OTOGL: variants seen among roughly 807,000 people sequenced by gnomAD.
OTOGL encodes otogelin like.
Under a neutral mutation model 318.5 loss-of-function variants are expected in OTOGL, and 285 were observed. The ratio of observed to expected loss-of-function variants is 0.89; its 90% confidence interval spans 0.81 to 0.99. The LOEUF is 0.99. Ranked by LOEUF, OTOGL falls within the 50% of genes least tolerant of loss-of-function variation. OTOGL has a pLI of 0.00. For synonymous variants in OTOGL, 987 were observed against 936.5 expected (o/e 1.05, Z -0.99); for missense variants, 2,899 against 2,845.6 (o/e 1.02, Z -0.43).
At position 80,310,654 on chromosome 12, in the gene OTOGL, A is replaced by G. The variant is rs553593526; in HGVS notation, c.3377A>G (p.Gln1126Arg). The change falls in exon 30 of 59, where the codon CAA (glutamine) becomes CGA (arginine). Residue 1126 changes from glutamine to arginine, a missense_variant. Gln to Arg is a conservative substitution (Grantham distance 43). Around this residue, in one of 3 missense-constraint regions of OTOGL, gnomAD observed 2,607 missense variants for 2,524.9 expected, o/e 1.03. Transcript: ENST00000547103. ...DETIKPCEAH[Q>R]NKFPYAKKEC... is the part of the protein sequence containing the mutation. ...ACAATTAAACCCTGTGAGGCACATC[A>G]AAACAAATTTCCTTATGCCAAGAAA... is the stretch of plus-strand genomic sequence containing the variant. 10 of 1,597,242 alleles carry G rather than the reference A, an allele frequency of 6.3e-6. No individual in the cohort carries two copies. The highest frequency in any genetic ancestry group is 7.6e-6 in the Non-Finnish European group (9 of 1,177,850).
chr12:80,329,061 G>C lies in OTOGL; in HGVS notation c.4290G>C (p.Val1430=). ...TTTGTTTCTTTGTAGGTATACCTGT[G>C]ATTCCCACAGAACCAACATTAATGC... ...KCVYPRDCIP[V]IPTEPTLMPP... is the part of the protein sequence containing the mutation. The change falls in exon 37 of 59, where the codon GTG becomes GTC. Residue 1430 remains valine (V), a synonymous_variant. Coordinates refer to ENST00000547103, the MANE Select transcript of OTOGL (RefSeq NM_001378609.3). 1 of 1,578,006 alleles carries C rather than the reference G, an allele frequency of 6.3e-7. No individual in the cohort carries two copies. The highest frequency in any genetic ancestry group is 8.6e-7 in the Non-Finnish European group (1 of 1,168,220).
chr12:80,267,185 G>A, intron 21 of OTOGL, 68 bp from the exon 22 acceptor site: 5 of 996,884 alleles, frequency 5.0e-6, no homozygotes, highest in East Asian at 3.2e-5. Flanking sequence ...AGAGCACAAG[G>A]TCAGCTTGAA....
At chr12:80,259,268 G>T (rs1392097089) in intron 18 of OTOGL, among the ~76,000 whole-genome samples, 3 of 151,258 alleles carry the variant, frequency 2.0e-5, no homozygotes, top group Non-Finnish European at 4.4e-5. Flanking sequence ...AACAATAGGG[G>T]GTTCACTGTG....
At chr12:80,291,611 A>G (rs1885047435) in intron 26 of OTOGL, among the ~76,000 whole-genome samples, 1 of 152,222 alleles carries the variant, frequency 6.6e-6, no homozygotes, top group Non-Finnish European at 1.5e-5. Flanking sequence ...AAGGAATTGC[A>G]TAAACAAGGT....
At chr12:80,228,627 AC>A (rs1879093606) in intron 7 of OTOGL, among the ~76,000 whole-genome samples, 1 of 152,008 alleles carries the variant, frequency 6.6e-6, no homozygotes, top group African/African-American at 2.4e-5. Flanking sequence ...TTTATACTTT[AC>A]TTTTTGGACC....
chr12:80,120,927 C>T (rs1870451332), intron 1 of OTOGL, among the ~76,000 whole-genome samples: 1 of 152,148 alleles, frequency 6.6e-6, no homozygotes, highest in South Asian at 2.1e-4. Context: ...CAACTGATTC[C>T]TTCCCCAAGA....
At chr12:80,149,133 C>G (rs1010872054) in intron 1 of OTOGL, among the ~76,000 whole-genome samples, 7 of 152,202 alleles carry the variant, frequency 4.6e-5, no homozygotes, top group Non-Finnish European at 8.8e-5. Context: ...AGGCGCTCTG[C>G]TTTTTAGAGT....
chr12:80,118,313 T>A (rs924624741), intron 1 of OTOGL, among the ~76,000 whole-genome samples: 1 of 152,192 alleles, frequency 6.6e-6, no homozygotes, highest in Non-Finnish European at 1.5e-5. Flanking sequence ...TCTGCTGCCA[T>A]CGGCTGTGAA....
At chr12:80,296,213 A>C (rs1885384604) in intron 26 of OTOGL, among the ~76,000 whole-genome samples, 1 of 152,236 alleles carries the variant, frequency 6.6e-6, no homozygotes, top group Non-Finnish European at 1.5e-5. Context: ...CCTCCTCTTA[A>C]TTAACAAAGC....
intron 1 of OTOGL, chr12:80,130,850 C>A (rs1204807243): frequency 7.2e-5 from 11 of 152,226 alleles, no homozygotes; most frequent in African/African-American, 2.4e-4. Flanking sequence ...ATGCTATGAT[C>A]TTTCTTCTCT....
Position 80,255,140 on chromosome 12 carries a change from A to G in OTOGL, c.1542A>G (p.Gly514=). 6.6e-7 allele frequency: 1 copy of G among 1,526,246 alleles called. No homozygotes were observed. Among genetic ancestry groups the G allele is most frequent in the Non-Finnish European group, 8.8e-7 (1 of 1,140,434 alleles). The allele number at this position is 1,526,246 out of a possible 1,614,324, so 94.5% of individuals were successfully genotyped here. The change falls in exon 16 of 59, where the codon GGA becomes GGG. Residue 514 remains glycine, a synonymous_variant. Transcript: ENST00000547103. ...MCQYILVKGT[G]KDKFTITLQK... is the part of the protein sequence containing the mutation. ...AATACATCCTCGTGAAAGGAACTGG[A>G]AAAGATAAATTCACGATTACTTTAC...
chr12:80,250,748 C>T (rs1881470497), intron 11 of OTOGL, among the ~76,000 whole-genome samples: 1 of 152,222 alleles, frequency 6.6e-6, no homozygotes, highest in East Asian at 1.9e-4. Context: ...AATGTTAAGC[C>T]TCACAAAATG....
intron 1 of OTOGL, among the ~76,000 whole-genome samples, chr12:80,146,850 G>GT (rs1170067711): frequency 6.6e-6 from 1 of 151,930 alleles, no homozygotes; most frequent in Non-Finnish European, 1.5e-5. Flanking sequence ...TTGCATAGAG[G>GT]TGTTTGTAGT....
rs559434716 is a variant in OTOGL, at chr12:80,127,686, G to A, written c.-20+28081G>A. Among the ~76,000 whole-genome samples the A allele has an allele frequency of 1.0e-3, 153 of 152,302 alleles. 1 individual carries two copies. The highest frequency in any genetic ancestry group is 3.6e-3 in the African/African-American group (148 of 41,564). On this transcript the variant is annotated intron_variant, in intron 1 of 58. Transcript: ENST00000547103. ...TCATTTTCAGGTACACCAATCAGAT[G>A]TAGATTTGGTCTTTTCACATAGTCC...
chr12:80,210,894 T>C lies in OTOGL; in HGVS notation c.119+8T>C. ...ATTGATGGGAACATCAAAGTGAGTA[T>C]TTCTTGTTCTTCGTGTCCTCTAAAA... On this transcript the variant is annotated splice_region_variant and intron_variant, in intron 3 of 58. Coordinates refer to ENST00000547103, the MANE Select transcript of OTOGL (RefSeq NM_001378609.3). 1 of 1,474,738 alleles carries C rather than the reference T, an allele frequency of 6.8e-7. No individual in the cohort carries two copies. Among genetic ancestry groups the C allele is most frequent in the Non-Finnish European group, 9.0e-7 (1 of 1,106,374 alleles). 91.4% of individuals were successfully genotyped at this position (1,474,738 alleles called of 1,614,324 possible). A position where few individuals can be genotyped will look rare whatever the true frequency, so the allele number is the denominator to read the frequency against.
In OTOGL at chr12:80,163,038, A is replaced by C. The variant is rs189663087; in HGVS notation, c.-19-46375A>C. Among the ~76,000 whole-genome samples, 46 of 152,244 alleles carry C rather than the reference A, an allele frequency of 3.0e-4. No homozygotes were observed. The East Asian group carries it at 8.3e-3, about 28-fold the overall frequency. On this transcript the variant is annotated intron_variant, in intron 1 of 58. Transcript: ENST00000547103. ...ATTAGACTAAAGATATTCTTTCCAA[A>C]AAAATGGAGCCTGGATACATCATAA...
intron 1 of OTOGL, among the ~76,000 whole-genome samples, chr12:80,140,753 TG>T (rs889368991): frequency 2.0e-4 from 31 of 152,326 alleles, no homozygotes; most frequent in Middle Eastern, 3.4e-3. Flanking sequence ...AAATATGTAT[TG>T]TCAGTTAGTA....
chr12:80,302,375 A>G (rs934128698), intron 27 of OTOGL, among the ~76,000 whole-genome samples: 4 of 152,170 alleles, frequency 2.6e-5, no homozygotes, highest in African/African-American at 7.2e-5. Flanking sequence ...TCTTCCCCAC[A>G]TGTAACTGAA....
chr12:80,359,621 G>A (rs1890121381), intron 52 of OTOGL, among the ~76,000 whole-genome samples: 1 of 151,914 alleles, frequency 6.6e-6, no homozygotes, highest in South Asian at 2.1e-4. Context: ...AATGAATGAG[G>A]TACTTTTTAA....
Sources: gnomAD v4.1 joint callset for allele counts (sites outside exome capture counted in the v4.1 genomes callset) on GRCh38, gnomAD v4.1.1 for gene constraint, gnomAD v4.1.1 regional missense constraint, MANE v1.5 for transcripts, NCBI Gene and HGNC (gene_info 2026-07-23, HGNC 2026-07-21) for gene names.